Variants in COL21A1 observed in about 807,000 individuals in gnomAD.
The protein encoded by COL21A1 is collagen type XXI alpha 1 chain.
Under a neutral mutation model 137.9 loss-of-function variants are expected in COL21A1, and 149 were observed. The ratio of observed to expected loss-of-function variants is 1.08; its 90% CI spans 0.95 to 1.24. The LOEUF is 1.24. COL21A1 is among the 50% of genes most tolerant of loss of function. COL21A1 has a pLI of 0.00. For synonymous variants in COL21A1, 456 were observed against 391.5 expected, an observed-to-expected ratio of 1.16 and a Z score of -1.95; for missense variants, 1,167 against 1,158.4, an observed-to-expected ratio of 1.01 and a Z score of -0.11.
chr6:56,335,121 C>T (rs554985882), intron 1 of COL21A1, among the ~76,000 whole-genome samples: 73 of 152,018 alleles, frequency 4.8e-4, no homozygotes, highest in African/African-American at 1.7e-3. Flanking sequence ...ATAGATGATG[C>T]AAAAATGAGT....
rs559606939 is a variant in COL21A1 at position 56,296,773 on chromosome 6, T to C, written c.-39+97198A>G. ...CCACCAACATTTTACATTTTGTTTCTAGAAAAATACCCACAAGTGTCCATA... is the reference window on the plus strand; with the variant it reads ...CCACCAACATTTTACATTTTGTTTCCAGAAAAATACCCACAAGTGTCCATA... On this transcript the variant is annotated intron_variant, in intron 1 of 28. Transcript: ENST00000370819. 5.9e-5 allele frequency among the ~76,000 whole-genome samples: 9 copies of C among 152,162 alleles called. No individual in the cohort carries two copies. In the South Asian group the frequency reaches 1.7e-3, roughly 28 times the overall value.
chr6:56,168,161 T>C lies in COL21A1; in HGVS notation c.1163A>G (p.Gln388Arg), dbSNP rs1003235239. The part of the protein sequence containing the change: ...VLGILINGQT[Q>R]IGKYSGKEET... ...TTCTTTTCCAGAATATTTTCCAATT[T>C]GGGTTTGCCCATTGATCAAGATCCC... Residue 388 changes from glutamine (Q) to arginine (R), a missense_variant, in exon 6 of 30, where the codon CAA becomes CGA. Gln to Arg is a conservative substitution (Grantham distance 43). Transcript: ENST00000244728. 10 of 1,537,556 alleles carry C rather than the reference T, an allele frequency of 6.5e-6. No individual in the cohort carries two copies. Among genetic ancestry groups the C allele is most frequent in the Non-Finnish European group, 8.8e-6 (10 of 1,137,998 alleles).
intron 10 of COL21A1, among the ~76,000 whole-genome samples, chr6:56,143,621 C>G (rs1774603443): frequency 6.6e-6 from 1 of 152,064 alleles, no homozygotes; most frequent in African/African-American, 2.4e-5. Context: ...TCTTGAGTGT[C>G]TTTGCCCAAT....
chr6:56,260,749 A>G (rs1305731515), intron 1 of COL21A1, among the ~76,000 whole-genome samples: 1 of 151,310 alleles, frequency 6.6e-6, no homozygotes, highest in Non-Finnish European at 1.5e-5. Flanking sequence ...GGAAGGAAGG[A>G]AGGAATCAAT....
intron 1 of COL21A1, among the ~76,000 whole-genome samples, chr6:56,358,236 C>T (rs373185662): frequency 3.8e-4 from 58 of 152,022 alleles, no homozygotes; most frequent in African/African-American, 1.4e-3. Context: ...CCATTCTCAA[C>T]GAGATGTAGA....
intron 1 of COL21A1, among the ~76,000 whole-genome samples, chr6:56,185,403 A>C (rs1778198138): frequency 6.6e-6 from 1 of 150,736 alleles, no homozygotes; most frequent in African/African-American, 2.4e-5. Flanking sequence ...TAAAAGGGTA[A>C]GTGGACAGGC....
intron 17 of COL21A1, among the ~76,000 whole-genome samples, chr6:56,098,354 T>TATATATATAA (rs1769840500): frequency 1.1e-4 from 5 of 44,434 alleles, no homozygotes; most frequent in Admixed American, 4.4e-4. Flanking sequence ...AATATATAAA[T>TATATATATAA]ATATATATGA....
chr6:56,237,555 G>T (rs916377028), intron 1 of COL21A1, among the ~76,000 whole-genome samples: 7 of 152,004 alleles, frequency 4.6e-5, no homozygotes, highest in African/African-American at 1.7e-4. Flanking sequence ...AATATGACAG[G>T]TTACTAGAAA....
intron 1 of COL21A1, among the ~76,000 whole-genome samples, chr6:56,224,492 C>T (rs895207596): frequency 6.6e-6 from 1 of 152,026 alleles, no homozygotes; most frequent in African/African-American, 2.4e-5. Flanking sequence ...AACAAAAATA[C>T]TATTTTAATG....
chr6:56,344,749 G>A (rs1022753033), intron 1 of COL21A1, among the ~76,000 whole-genome samples: 2 of 152,070 alleles, frequency 1.3e-5, no homozygotes, highest in African/African-American at 2.4e-5. Flanking sequence ...GTGATAGTGG[G>A]TGAGTTCTCA....
intron 1 of COL21A1, among the ~76,000 whole-genome samples, chr6:56,299,315 T>C (rs563906610): frequency 1.3e-5 from 2 of 152,286 alleles, no homozygotes; most frequent in Non-Finnish European, 2.9e-5. Context: ...AAATGCCAAA[T>C]TGGATTTGAA....
chr6:56,245,908 G>C (rs1400130247), intron 1 of COL21A1, among the ~76,000 whole-genome samples: 1 of 152,178 alleles, frequency 6.6e-6, no homozygotes, highest in Admixed American at 6.5e-5. Flanking sequence ...AGGAAGTCTT[G>C]GTACAGTTAG....
chr6:56,159,420 C>T (rs1776027456), intron 9 of COL21A1, among the ~76,000 whole-genome samples: 1 of 151,204 alleles, frequency 6.6e-6, no homozygotes, highest in Non-Finnish European at 1.5e-5. Flanking sequence ...ACAACCTCCA[C>T]CCCGCAGGTT....
intron 1 of COL21A1, among the ~76,000 whole-genome samples, chr6:56,291,250 G>C (rs1764034169): frequency 6.6e-6 from 1 of 152,194 alleles, no homozygotes; most frequent in Admixed American, 6.5e-5. Flanking sequence ...CAACTCTAGA[G>C]TTAGGGGAAC....
chr6:56,063,017 A>G (rs1221614156), intron 24 of COL21A1, among the ~76,000 whole-genome samples: 2 of 152,092 alleles, frequency 1.3e-5, no homozygotes, highest in African/African-American at 4.8e-5. Flanking sequence ...GGTAACTAAG[A>G]CTGTGTTTAC....
intron 1 of COL21A1, among the ~76,000 whole-genome samples, chr6:56,242,597 G>A (rs1033343771): frequency 6.6e-6 from 1 of 152,128 alleles, no homozygotes; most frequent in Non-Finnish European, 1.5e-5. Flanking sequence ...AGGTCACTAA[G>A]CTTGGACTTC....
chr6:56,200,334 T>A (rs370584971), intron 1 of COL21A1, among the ~76,000 whole-genome samples: 2 of 152,152 alleles, frequency 1.3e-5, no homozygotes, highest in African/African-American at 4.8e-5. Context: ...CTTTAAGTTT[T>A]AGGGTACATG....
chr6:56,163,493 G>A (rs553886136), intron 9 of COL21A1, among the ~76,000 whole-genome samples: 4 of 152,178 alleles, frequency 2.6e-5, no homozygotes, highest in African/African-American at 4.8e-5. Context: ...GGCGGATCAC[G>A]AGGTCAAGAG....
At chr6:56,217,037 A>G (rs1468460069) in intron 1 of COL21A1, among the ~76,000 whole-genome samples, 1 of 152,092 alleles carries the variant, frequency 6.6e-6, no homozygotes, top group African/African-American at 2.4e-5. Flanking sequence ...TAATAAAAAT[A>G]TGGCCAATCC....
Sources: gnomAD v4.1 joint callset for allele counts (sites outside exome capture counted in the v4.1 genomes callset) on GRCh38, gnomAD v4.1.1 for gene constraint, MANE v1.5 for transcripts, NCBI Gene and HGNC (gene_info 2026-07-23, HGNC 2026-07-21) for gene names.